Variants in GID4 observed in about 807,000 individuals in gnomAD.
GID4 encodes the protein glucose-induced degradation protein 4 homolog.
In GID4, 7 loss-of-function variants were observed where a neutral mutation model predicts 32.4. The ratio of observed to expected loss-of-function variants is 0.22; its 90% CI spans 0.12 to 0.41. The LOEUF (loss-of-function observed/expected upper bound fraction) is 0.41, where lower values mean the gene tolerates loss of function less well. Ranked by LOEUF, GID4 falls within the 10% of genes least tolerant of loss-of-function variation. The probability of loss-of-function intolerance (pLI) is 1.00; values close to 1 mark genes in which losing one functional copy is unlikely to be tolerated. For synonymous variants in GID4, 166 were observed against 170.0 expected (o/e 0.98, Z 0.18); for missense variants, 309 against 400.0 (o/e 0.77, Z 1.94).
chr17:18,061,415 C>G lies in GID4; in HGVS notation c.709-430C>G, dbSNP rs1445271318. ...AGAATGGTCCACAGACCTACAGAAG[C>G]GACTCACTGTTCTAGATGTTATCAA... On this transcript the variant is annotated intron_variant, in intron 4 of 5. Coordinates refer to ENST00000268719, the MANE Select transcript of GID4 (RefSeq NM_024052.5). The surrounding 1 kb of genome is among the most constrained non-coding windows in gnomAD (Gnocchi z 4.4). 6.6e-6 allele frequency among the ~76,000 whole-genome samples: 1 copy of G among 152,184 alleles called. No individual in the cohort carries two copies. The highest frequency in any genetic ancestry group is 1.5e-5 in the Non-Finnish European group (1 of 68,024).
chr17:18,057,259 C>T, intron 3 of GID4: 8 of 445,604 alleles, frequency 1.8e-5, no homozygotes, highest in Non-Finnish European at 3.2e-5. Context: ...TGGTGAAACC[C>T]CATCTCTACC....
At chr17:18,051,134 A>G (rs948841389) in intron 2 of GID4, among the ~76,000 whole-genome samples, 3 of 152,316 alleles carry the variant, frequency 2.0e-5, no homozygotes, top group East Asian at 1.9e-4. Context: ...GATTTAAACC[A>G]TAAGTGTTTT....
intron 3 of GID4, chr17:18,057,325 G>A: frequency 7.0e-6 from 2 of 287,410 alleles, no homozygotes; most frequent in African/African-American, 2.2e-5. Context: ...CCAGCTATTC[G>A]GGAGGCTGAG....
Position 18,058,689 on chromosome 17 carries a change from G to A in GID4, c.607-179G>A, listed in dbSNP as rs565775465. ...AGGTATCTGCCCCAGGGTTGAGTCT[G>A]CATTCAATGGGGTGACCATAGGGCC... On this transcript the variant is annotated intron_variant, in intron 3 of 5. Transcript: ENST00000268719. 2.0e-5 allele frequency among the ~76,000 whole-genome samples: 3 copies of A among 152,302 alleles called. No homozygotes were observed. The South Asian group carries it at 6.2e-4, about 32-fold the overall frequency.
chr17:18,042,792 C>T (rs554421041), intron 1 of GID4, among the ~76,000 whole-genome samples: 1 of 152,322 alleles, frequency 6.6e-6, no homozygotes, highest in African/African-American at 2.4e-5. Flanking sequence ...TCCACATCCC[C>T]GCCAACACTC....
chr17:18,055,060 A>G (rs553771132), intron 3 of GID4, among the ~76,000 whole-genome samples: 2 of 151,186 alleles, frequency 1.3e-5, no homozygotes, highest in East Asian at 3.9e-4. Context: ...AGTCCCAGCT[A>G]CTCTGGAGGC....
At position 18,062,550 on chromosome 17, in the gene GID4, G is replaced by A. The variant is rs2045025675; in HGVS notation, c.839+575G>A. On this transcript the variant is annotated intron_variant, in intron 5 of 5. Coordinates refer to ENST00000268719, the MANE Select transcript of GID4 (RefSeq NM_024052.5). ...CTTGCTGCTTTTTAAGCACCTTGCT[G>A]TCCCCGGAGGGCAAACCATGTGATA... 2.0e-5 allele frequency among the ~76,000 whole-genome samples: 3 copies of A among 152,180 alleles called. No individual in the cohort carries two copies. In the South Asian group the frequency reaches 6.2e-4, roughly 32 times the overall value.
At chr17:18,055,661 T>C (rs994653617) in intron 3 of GID4, among the ~76,000 whole-genome samples, 3 of 152,038 alleles carry the variant, frequency 2.0e-5, no homozygotes, top group Non-Finnish European at 4.4e-5. Flanking sequence ...GCTCATTTTC[T>C]TTTATTTTTG....
rs1474403417 is a variant in GID4 at position 18,061,819 on chromosome 17, TACTG to T, written c.709-23_709-20del. ...TGGGTGGTCAGAGAATGCTATCTGTTACTGACCCTCTTCATCTGTGTGCAGGAAC... is the reference window on the plus strand; with the variant it reads ...TGGGTGGTCAGAGAATGCTATCTGTTACCCTCTTCATCTGTGTGCAGGAAC... On this transcript the variant is annotated intron_variant, in intron 4 of 5. Coordinates refer to ENST00000268719, the MANE Select transcript of GID4 (RefSeq NM_024052.5). This position sits in a 1 kb window ranked among gnomAD's most constrained non-coding sequence, Gnocchi z 4.4. The T allele has an allele frequency of 6.2e-7, 1 of 1,613,162 alleles. No homozygotes were observed. The highest frequency in any genetic ancestry group is 8.5e-7 in the Non-Finnish European group (1 of 1,179,444).
chr17:18,064,471 C>T (rs758187046), intron 5 of GID4, among the ~76,000 whole-genome samples: 2 of 152,132 alleles, frequency 1.3e-5, no homozygotes, highest in East Asian at 1.9e-4. Context: ...CTTTTTCCTA[C>T]GTTCTTCCAC....
rs1028643790 is a variant in GID4, at chr17:18,065,427, G to A, written c.*184G>A. 1 of 613,020 alleles carries A rather than the reference G, an allele frequency of 1.6e-6. No homozygotes were observed. Among genetic ancestry groups the A allele is most frequent in the African/African-American group, 1.8e-5 (1 of 54,476 alleles). 38.0% of individuals were successfully genotyped at this position (613,020 alleles called of 1,614,324 possible). A position where few individuals can be genotyped will look rare whatever the true frequency, so the allele number is the denominator to read the frequency against. On this transcript the variant is annotated 3_prime_UTR_variant, in exon 6 of 6. Transcript: ENST00000268719. Reference sequence around the variant, plus strand: ...AGCATGGCTGGCCCGTGGGGCAGGTGGAGGGAGCAGTCTTCGTTCTTCCTC... The same window carrying A: ...AGCATGGCTGGCCCGTGGGGCAGGTAGAGGGAGCAGTCTTCGTTCTTCCTC...
In GID4 at chr17:18,066,163, ATATG is replaced by A. The variant is rs1401777864; in HGVS notation, c.*924_*927del. On this transcript the variant is annotated 3_prime_UTR_variant, in exon 6 of 6. Transcript: ENST00000268719. ...CTTAGTAATTTTTATATCGATATCT[ATATG>A]TATATGTATATTTAATCAACCAGCA... 6.7e-6 allele frequency: 1 copy of A among 148,772 alleles called. No homozygotes were observed. Among genetic ancestry groups the A allele is most frequent in the Non-Finnish European group, 1.5e-5 (1 of 65,688 alleles). 9.2% of individuals were successfully genotyped at this position (148,772 alleles called of 1,614,324 possible).
In GID4 at chr17:18,039,591, T is replaced by TGCC; in HGVS notation, c.127_128insGCC (p.Ser43delinsCysPro). 4.3e-6 allele frequency: 4 copies of TGCC among 923,512 alleles called. No individual in the cohort carries two copies. Among genetic ancestry groups the TGCC allele is most frequent in the Non-Finnish European group, 5.4e-6 (4 of 746,894 alleles). 57.2% of individuals were successfully genotyped at this position (923,512 alleles called of 1,614,324 possible). A position where few individuals can be genotyped will look rare whatever the true frequency, so the allele number is the denominator to read the frequency against. On this transcript the variant is annotated protein_altering_variant, in exon 1 of 6. Coordinates refer to ENST00000268719, the MANE Select transcript of GID4 (RefSeq NM_024052.5). This position sits in a 1 kb window ranked among gnomAD's most constrained non-coding sequence, Gnocchi z 5.3. ...CAGGCAGCGGGCGGGTGGTCGCCCC[T>TGCC]CCCGCCCCCACCCCGCGCGTGCGCG...
chr17:18,043,429 G>A (rs1299392692), intron 1 of GID4, among the ~76,000 whole-genome samples: 1 of 152,156 alleles, frequency 6.6e-6, no homozygotes, highest in Non-Finnish European at 1.5e-5. Context: ...AAACTATATT[G>A]AATTCAATGA....
chr17:18,058,185 C>A (rs939630867), intron 3 of GID4, among the ~76,000 whole-genome samples: 1 of 152,154 alleles, frequency 6.6e-6, no homozygotes, highest in Non-Finnish European at 1.5e-5. Context: ...ACAGTATAAC[C>A]ACTATTCACT....
At position 18,061,793 on chromosome 17, in the gene GID4, G is replaced by A. The variant is rs537715903; in HGVS notation, c.709-52G>A. On this transcript the variant is annotated intron_variant, in intron 4 of 5. Coordinates refer to ENST00000268719, the MANE Select transcript of GID4 (RefSeq NM_024052.5). This position sits in a 1 kb window ranked among gnomAD's most constrained non-coding sequence, Gnocchi z 4.4. ...CCCTGATGCTTAACAGGGAGGCCCC[G>A]TGGGTGGTCAGAGAATGCTATCTGT... 134 of 1,600,112 alleles carry A rather than the reference G, an allele frequency of 8.4e-5. No individual in the cohort carries two copies. Among genetic ancestry groups the A allele is most frequent in the Middle Eastern group, 1.7e-4 (1 of 6,020 alleles).
At position 18,065,657 on chromosome 17, in the gene GID4, C is replaced by A. The variant is rs878984525; in HGVS notation, c.*414C>A. 58 of 233,274 alleles carry A rather than the reference C, an allele frequency of 2.5e-4. No homozygotes were observed. In the South Asian group the frequency reaches 2.9e-3, roughly 12 times the overall value. 14.5% of individuals were successfully genotyped at this position (233,274 alleles called of 1,614,324 possible). ...CTAGACCCCCACCCCCCGCCAGTTG[C>A]TTTGTCTGGTAGCTCAAGAGAAGGC... On this transcript the variant is annotated 3_prime_UTR_variant, in exon 6 of 6. Transcript: ENST00000268719.
intron 5 of GID4, among the ~76,000 whole-genome samples, chr17:18,063,990 G>A (rs570782409): frequency 1.3e-5 from 2 of 152,158 alleles, no homozygotes; most frequent in Non-Finnish European, 1.5e-5. Context: ...TGTTCCACCC[G>A]CCTCGGCCTC....
rs755977472 is a variant in GID4 at position 18,061,701 on chromosome 17, G to A, written c.709-144G>A. The A allele has an allele frequency of 1.2e-5, 9 of 753,782 alleles. No homozygotes were observed. Among genetic ancestry groups the A allele is most frequent in the East Asian group, 2.5e-5 (1 of 39,946 alleles). 46.7% of individuals were successfully genotyped at this position (753,782 alleles called of 1,614,324 possible). On this transcript the variant is annotated intron_variant, in intron 4 of 5. Coordinates refer to ENST00000268719, the MANE Select transcript of GID4 (RefSeq NM_024052.5). This position sits in a 1 kb window ranked among gnomAD's most constrained non-coding sequence, Gnocchi z 4.4. ...AGTCAGGCTGAGACCCCACGGGCCC[G>A]CCATCACCCAGCAAGTCTAGGTTAG...
Sources: allele counts gnomAD v4.1 joint callset (sites outside exome capture counted in the v4.1 genomes callset), GRCh38; gene constraint gnomAD v4.1.1; non-coding constraint Gnocchi (gnomAD v3.1); transcripts MANE v1.5; gene names NCBI Gene and HGNC (gene_info 2026-07-23, HGNC 2026-07-21).